The following VAV3 variants were observed in gnomAD, a reference collection of about 807,000 sequenced individuals.
VAV3 encodes the protein vav guanine nucleotide exchange factor 3.
Under a neutral mutation model 131.2 loss-of-function variants are expected in VAV3, and 94 were observed. The ratio of observed to expected loss-of-function variants is 0.72; its 90% CI spans 0.61 to 0.85. The LOEUF is 0.85. Among genes scored for constraint, VAV3 ranks in the 40% least tolerant of loss-of-function variants. The probability of loss-of-function intolerance (pLI) is 0.00; values close to 1 mark genes in which losing one functional copy is unlikely to be tolerated. For synonymous variants in VAV3, 349 were observed against 342.0 expected, an observed-to-expected ratio of 1.02 and a Z score of -0.22; for missense variants, 939 against 1,002.7, an observed-to-expected ratio of 0.94 and a Z score of 0.86.
rs1481874724 is a variant in VAV3 at position 107,816,401 on chromosome 1, CAT to C, written c.322-36911_322-36910del. On this transcript the variant is annotated intron_variant, in intron 2 of 26. Transcript: ENST00000370056. ...GAAAAAGCTCTCATCTAGTGCCAAG[CAT>C]ATAGTGGTGATCAATTAAATCACTA... Among the ~76,000 whole-genome samples the C allele has an allele frequency of 2.0e-5, 3 of 152,104 alleles. No individual in the cohort carries two copies. In the East Asian group the frequency reaches 5.8e-4, roughly 29 times the overall value.
chr1:107,781,426 T>C (rs948940888), intron 2 of VAV3, among the ~76,000 whole-genome samples: 3 of 152,192 alleles, frequency 2.0e-5, no homozygotes, highest in African/African-American at 7.2e-5. Context: ...AAAAAAGATG[T>C]GATGCAATAC....
intron 15 of VAV3, among the ~76,000 whole-genome samples, chr1:107,727,543 C>T (rs1267177444): frequency 1.3e-5 from 2 of 152,086 alleles, no homozygotes; most frequent in African/African-American, 4.8e-5. Context: ...TCTCATTTGC[C>T]AAATGAATTT....
intron 2 of VAV3, among the ~76,000 whole-genome samples, chr1:107,868,743 C>T (rs553507374): frequency 6.6e-6 from 1 of 152,260 alleles, no homozygotes; most frequent in South Asian, 2.1e-4. Context: ...TTGCTTGGAA[C>T]TTCGGTAATA....
intron 20 of VAV3, among the ~76,000 whole-genome samples, chr1:107,637,810 A>G (rs1183570780): frequency 2.0e-5 from 3 of 152,232 alleles, no homozygotes; most frequent in Non-Finnish European, 4.4e-5. Context: ...ACATTACATT[A>G]TTATCCAAAC....
intron 2 of VAV3, among the ~76,000 whole-genome samples, chr1:107,836,536 C>T (rs988816374): frequency 6.6e-6 from 1 of 151,996 alleles, no homozygotes; most frequent in African/African-American, 2.4e-5. Flanking sequence ...AAGAACAAAA[C>T]AAGCTCAAAA....
chr1:107,929,115 C>A (rs1362514182), intron 1 of VAV3, among the ~76,000 whole-genome samples: 6 of 151,572 alleles, frequency 4.0e-5, no homozygotes, highest in Non-Finnish European at 7.4e-5. Flanking sequence ...ATTTAAAGTG[C>A]TGAAGGAGAA....
In VAV3 at chr1:107,597,947, A is replaced by G. The variant is rs373405433; in HGVS notation, c.2221-1606T>C. ...TGGGCCTTATTCCCATTGAAGCTCAAATATCAGTGAGGTGAGTGAACTTAG... is the reference window on the plus strand; with the variant it reads ...TGGGCCTTATTCCCATTGAAGCTCAGATATCAGTGAGGTGAGTGAACTTAG... On this transcript the variant is annotated intron_variant, in intron 24 of 26. Transcript: ENST00000370056. Among the ~76,000 whole-genome samples the G allele has an allele frequency of 1.1e-4, 16 of 152,298 alleles. No individual in the cohort carries two copies. The East Asian group carries it at 1.2e-3, about 11-fold the overall frequency.
chr1:107,864,770 T>C (rs957488029), intron 2 of VAV3, among the ~76,000 whole-genome samples: 1 of 152,228 alleles, frequency 6.6e-6, no homozygotes, highest in African/African-American at 2.4e-5. Context: ...CTTTCCTCAG[T>C]GGCACTTATC....
chr1:107,687,739 G>A (rs545265965), intron 18 of VAV3, among the ~76,000 whole-genome samples: 1 of 152,142 alleles, frequency 6.6e-6, no homozygotes, highest in African/African-American at 2.4e-5. Context: ...TTAATGATGG[G>A]CAACTTGCTG....
At chr1:107,593,479 C>G (rs571202654) in intron 25 of VAV3, among the ~76,000 whole-genome samples, 1 of 152,236 alleles carries the variant, frequency 6.6e-6, no homozygotes, top group Non-Finnish European at 1.5e-5. Context: ...CTTGCCTGCT[C>G]TGTATCCTCC....
chr1:107,742,376 G>C (rs1362559574), intron 15 of VAV3, among the ~76,000 whole-genome samples: 2 of 152,138 alleles, frequency 1.3e-5, no homozygotes, highest in Admixed American at 1.3e-4. Context: ...GCAAGAAACA[G>C]ACATTAAATA....
chr1:107,847,186 G>A (rs999214600), intron 2 of VAV3, among the ~76,000 whole-genome samples: 5 of 152,094 alleles, frequency 3.3e-5, no homozygotes, highest in South Asian at 2.1e-4. Context: ...GGTAAATAAC[G>A]AAATTAAGGC....
In VAV3 at chr1:107,578,671, C is replaced by T. The variant is rs570992582; in HGVS notation, c.2351-4473G>A. The T allele has an allele frequency of 2.9e-4, 149 of 514,566 alleles. 1 individual carries two copies. The South Asian group carries it at 3.6e-3, about 12-fold the overall frequency. 31.9% of individuals were successfully genotyped at this position (514,566 alleles called of 1,614,324 possible). On this transcript the variant is annotated intron_variant, in intron 25 of 26. Coordinates refer to ENST00000370056, the MANE Select transcript of VAV3 (RefSeq NM_006113.5). ...TTGCCCAGTTTGGAGTGCAGTTACA[C>T]GATCTCGGCTCACTGCAAGCTCCGC...
chr1:107,607,706 T>C (rs1397271372), intron 22 of VAV3, among the ~76,000 whole-genome samples: 1 of 152,190 alleles, frequency 6.6e-6, no homozygotes, highest in Non-Finnish European at 1.5e-5. Flanking sequence ...CAGTCCCAAA[T>C]CTCATTCCTA....
intron 2 of VAV3, among the ~76,000 whole-genome samples, chr1:107,805,387 A>G (rs1667015421): frequency 6.6e-6 from 1 of 152,148 alleles, no homozygotes; most frequent in Non-Finnish European, 1.5e-5. Context: ...AATTTCAAAT[A>G]GCCCATCTTC....
chr1:107,787,463 C>A (rs547652386), intron 2 of VAV3, among the ~76,000 whole-genome samples: 1 of 152,280 alleles, frequency 6.6e-6, no homozygotes, highest in East Asian at 1.9e-4. Context: ...TGCACCCCTT[C>A]GTGGGCAGAG....
In VAV3 at chr1:107,751,482, G is replaced by C. The variant is rs748173200; in HGVS notation, c.1174-280C>G. ...ATGAAAAGAAAGACTCAACCGGAAG[G>C]GTCCAAATTACGAGACGGTTCGGCA... On this transcript the variant is annotated intron_variant, in intron 12 of 26. Transcript: ENST00000370056. 7.2e-5 allele frequency among the ~76,000 whole-genome samples: 11 copies of C among 152,154 alleles called. No homozygotes were observed. The South Asian group carries it at 2.3e-3, about 32-fold the overall frequency.
chr1:107,871,992 C>T (rs1171595307), intron 2 of VAV3, among the ~76,000 whole-genome samples: 1 of 152,126 alleles, frequency 6.6e-6, no homozygotes, highest in Admixed American at 6.6e-5. Flanking sequence ...AAGTAGATGC[C>T]AAGTAACACA....
rs60207273 is a variant in VAV3 at position 107,724,836 on chromosome 1, G to GA, written c.1503-19776dup. ...GTTGCAACACTGGATGTGGTGGGGG[G>GA]AAAAAAAAAAGGCTAGAGCTGAGCA... On this transcript the variant is annotated intron_variant, in intron 15 of 26. Coordinates refer to ENST00000370056, the MANE Select transcript of VAV3 (RefSeq NM_006113.5). Among the ~76,000 whole-genome samples the GA allele has an allele frequency of 4.0e-4, 59 of 147,494 alleles. No individual in the cohort carries two copies. In the East Asian group the frequency reaches 6.2e-3, roughly 15 times the overall value.
Sources: allele counts gnomAD v4.1 joint callset (sites outside exome capture counted in the v4.1 genomes callset), GRCh38; gene constraint gnomAD v4.1.1; transcripts MANE v1.5; gene names NCBI Gene and HGNC (gene_info 2026-07-23, HGNC 2026-07-21).